Variants in DDX46 observed in about 807,000 individuals in gnomAD.
The protein encoded by DDX46 is DEAD-box helicase 46.
Under a neutral mutation model 134.9 loss-of-function variants are expected in DDX46, and 30 were observed. That is an observed-to-expected ratio of 0.22 (90% CI 0.17 to 0.30). DDX46 has a LOEUF of 0.30. Ranked by LOEUF, DDX46 falls within the 10% of genes least tolerant of loss-of-function variation. The pLI is 1.00. For synonymous variants in DDX46, 415 were observed against 404.1 expected (o/e 1.03, Z -0.32); for missense variants, 622 against 1,248.7 (o/e 0.50, Z 7.56).
intron 21 of DDX46, chr5:134,826,221 TTTAAAGA>T (rs1262541273): frequency 1.7e-4 from 26 of 152,208 alleles, no homozygotes; most frequent in African/African-American, 6.0e-4. Flanking sequence ...TCTGTAAGCT[TTTAAAGA>T]GCATGAATTT....
At chr5:134,789,887 A>G (rs947942951) in intron 12 of DDX46, among the ~76,000 whole-genome samples, 2 of 152,140 alleles carry the variant, frequency 1.3e-5, no homozygotes, top group Non-Finnish European at 2.9e-5. Flanking sequence ...TATTTATGTA[A>G]TGTGTTTTGG....
chr5:134,796,186 T>A, intron 15 of DDX46, 36 bp downstream of exon 15: 1 of 1,603,992 alleles, frequency 6.2e-7, no homozygotes, highest in South Asian at 1.1e-5. Context: ...AAAATATCTA[T>A]TAAGTACTTG....
Position 134,762,446 on chromosome 5 carries a change from A to G in DDX46, c.18-1458A>G, listed in dbSNP as rs574656062. Among the ~76,000 whole-genome samples the G allele has an allele frequency of 1.4e-3, 208 of 151,846 alleles. 2 individuals are homozygous for G. Among genetic ancestry groups the G allele is most frequent in the African/African-American group, 4.6e-3 (191 of 41,438 alleles). ...AAAGAAATTTAAAAAAATGATAAAA[A>G]GGCTGCATGCGGTGGCTCATGCCTG... On this transcript the variant is annotated intron_variant, in intron 1 of 22. Coordinates refer to ENST00000452510, the MANE Select transcript of DDX46 (RefSeq NM_001300860.2).
chr5:134,805,624 G>T (rs1384706178), intron 15 of DDX46, among the ~76,000 whole-genome samples: 5 of 151,642 alleles, frequency 3.3e-5, no homozygotes, highest in African/African-American at 1.2e-4. Context: ...CACCTCCCAG[G>T]TTCAAGCAAT....
chr5:134,785,786 G>A, intron 11 of DDX46, among the ~76,000 whole-genome samples, 200 bp downstream of exon 11: 1 of 151,958 alleles, frequency 6.6e-6, no homozygotes, highest in Admixed American at 6.6e-5. Context: ...GTACAGCATG[G>A]TGACTAGTTA....
rs1755668685 is a variant in DDX46, at chr5:134,829,117, A to AT, written c.*415dup. ...AAGAAAAGGTAAAATTCACTATCATATTTTGTGTCCCCACCTTGATGTTAC... is the reference window on the plus strand; with the variant it reads ...AAGAAAAGGTAAAATTCACTATCATATTTTTGTGTCCCCACCTTGATGTTAC... On this transcript the variant is annotated 3_prime_UTR_variant, in exon 23 of 23. Coordinates refer to ENST00000452510, the MANE Select transcript of DDX46 (RefSeq NM_001300860.2). The AT allele has an allele frequency of 6.5e-6, 1 of 153,424 alleles. No individual in the cohort carries two copies. Among genetic ancestry groups the AT allele is most frequent in the African/African-American group, 2.4e-5 (1 of 41,522 alleles). The allele number at this position is 153,424 out of a possible 1,614,324, so 9.5% of individuals were successfully genotyped here. A position where few individuals can be genotyped will look rare whatever the true frequency, so the allele number is the denominator to read the frequency against.
At chr5:134,826,188 T>C (rs1044730288) in intron 21 of DDX46, 1 of 152,216 alleles carries the variant, frequency 6.6e-6, no homozygotes, top group Admixed American at 6.5e-5. Context: ...TGTTTTGATA[T>C]CTTTACAAGT....
At position 134,759,012 on chromosome 5, in the gene DDX46, G is replaced by A. The variant is rs75726590; in HGVS notation, c.17+57G>A. 9,944 of 1,599,670 alleles carry A rather than the reference G, an allele frequency of 6.2e-3. 56 individuals carry two copies. Among genetic ancestry groups the A allele is most frequent in the Middle Eastern group, 0.035 (186 of 5,382 alleles). On this transcript the variant is annotated intron_variant, in intron 1 of 22. Transcript: ENST00000452510. ...GAGCGGCTTCTTGGGGTCGTGAGAA[G>A]AGGCGGGAGTTGAGGTGGCCGCCGG... is the stretch of plus-strand genomic sequence containing the variant.
chr5:134,767,201 T>G, intron 3 of DDX46, 141 bp downstream of exon 3: 1 of 1,004,038 alleles, frequency 1.0e-6, no homozygotes, highest in Non-Finnish European at 1.4e-6. Context: ...TTGGCAGTGT[T>G]TTATTTTAAT....
intron 1 of DDX46, among the ~76,000 whole-genome samples, chr5:134,761,995 C>T (rs547230888): frequency 3.9e-5 from 6 of 152,128 alleles, no homozygotes; most frequent in African/African-American, 1.2e-4. Flanking sequence ...GTGGCTCACA[C>T]CTGTAATCCC....
intron 18 of DDX46, among the ~76,000 whole-genome samples, chr5:134,815,581 C>G (rs1395724795): frequency 6.6e-6 from 1 of 151,764 alleles, no homozygotes; most frequent in Non-Finnish European, 1.5e-5. Context: ...GTGGCGGGCA[C>G]CTGTAGTCCC....
intron 9 of DDX46, 147 bp from the exon 10 acceptor site, chr5:134,784,219 A>T: frequency 1.5e-6 from 1 of 686,518 alleles, no homozygotes; most frequent in Non-Finnish European, 2.3e-6. Flanking sequence ...ATGTGTTAGT[A>T]CTTCATTCCT....
At chr5:134,796,770 T>C (rs1754665225) in intron 15 of DDX46, among the ~76,000 whole-genome samples, 4 of 150,562 alleles carry the variant, frequency 2.7e-5, no homozygotes. Flanking sequence ...GGAGAACCGC[T>C]TGAACCTGGG....
chr5:134,815,550 A>G (rs1386864366), intron 18 of DDX46, among the ~76,000 whole-genome samples: 1 of 151,834 alleles, frequency 6.6e-6, no homozygotes, highest in Non-Finnish European at 1.5e-5. Flanking sequence ...AACTAAAAAT[A>G]CAAAAAATTA....
At chr5:134,816,190 G>A (rs987213379) in intron 18 of DDX46, among the ~76,000 whole-genome samples, 1 of 152,152 alleles carries the variant, frequency 6.6e-6, no homozygotes, top group African/African-American at 2.4e-5. Flanking sequence ...TTCATGCAAT[G>A]TTGTTTCTCT....
At chr5:134,781,793 G>A in intron 7 of DDX46, 128 bp from the exon 8 acceptor site, 1 of 876,600 alleles carries the variant, frequency 1.1e-6, no homozygotes, top group Non-Finnish European at 1.7e-6. Context: ...GTCAAACAGT[G>A]TGTCGTAGAA....
intron 2 of DDX46, among the ~76,000 whole-genome samples, chr5:134,766,616 G>A (rs968185258): frequency 2.6e-5 from 4 of 152,184 alleles, no homozygotes; most frequent in Non-Finnish European, 5.9e-5. Context: ...AGCTGCTGGG[G>A]AGGCTGAGGC....
At chr5:134,823,170 T>C (rs1755501344) in intron 21 of DDX46, among the ~76,000 whole-genome samples, 1 of 148,266 alleles carries the variant, frequency 6.7e-6, no homozygotes, top group African/African-American at 2.5e-5. Flanking sequence ...TTTTTTTTTT[T>C]TTTTTTTTTG....
rs751274184 is a variant in DDX46, at chr5:134,758,886, C to G, written c.-53C>G. On this transcript the variant is annotated 5_prime_UTR_variant, in exon 1 of 23. Coordinates refer to ENST00000452510, the MANE Select transcript of DDX46 (RefSeq NM_001300860.2). ...GGGCAGCTCAGCCTCCTTGTTTGTC[C>G]GGTTCGCCTGTGCGTGGTACTCAAG... 1.5e-5 allele frequency: 25 copies of G among 1,613,608 alleles called. No individual in the cohort carries two copies. Among genetic ancestry groups the G allele is most frequent in the Non-Finnish European group, 2.1e-5 (25 of 1,179,848 alleles).
Sources: allele counts gnomAD v4.1 joint callset (sites outside exome capture counted in the v4.1 genomes callset), GRCh38; gene constraint gnomAD v4.1.1; transcripts MANE v1.5; gene names NCBI Gene and HGNC (gene_info 2026-07-23, HGNC 2026-07-21).